Variants in SAMMSON observed in about 807,000 individuals in gnomAD.
SAMMSON encodes the protein long intergenic non-protein coding RNA 1212.
chr3:70,417,363 T>C (rs1430841115), intron 2 of SAMMSON, among the ~76,000 whole-genome samples: 1 of 152,188 alleles, frequency 6.6e-6, no homozygotes, highest in Non-Finnish European at 1.5e-5. Context: ...AAGTGTTCCT[T>C]AAATTATCTT....
chr3:70,065,783 G>T (rs948490444), intron 3 of SAMMSON, among the ~76,000 whole-genome samples: 1 of 151,986 alleles, frequency 6.6e-6, no homozygotes, highest in Non-Finnish European at 1.5e-5. Context: ...TAAAAAATTG[G>T]CCCCAAATGT....
chr3:70,007,320 AC>A lies in SAMMSON; in HGVS notation n.23-5036del, dbSNP rs1290409440. On this transcript the variant is annotated intron_variant and non_coding_transcript_variant, in intron 1 of 9. Coordinates refer to ENST00000642114, the Ensembl canonical transcript of SAMMSON. Reference sequence around the variant, plus strand: ...CCTCTCCAGCACCTGTTGTTTCCTGACTTTTTAATGATCGCCATTCTAACTG... The same window carrying A: ...CCTCTCCAGCACCTGTTGTTTCCTGATTTTTAATGATCGCCATTCTAACTG... Among the ~76,000 whole-genome samples the A allele has an allele frequency of 2.0e-5, 3 of 152,090 alleles. No individual in the cohort carries two copies. The East Asian group carries it at 5.8e-4, about 29-fold the overall frequency.
intron 3 of SAMMSON, among the ~76,000 whole-genome samples, chr3:70,038,939 C>G (rs946903919): frequency 6.6e-6 from 1 of 151,970 alleles, no homozygotes; most frequent in Non-Finnish European, 1.5e-5. Flanking sequence ...GGAGCCAGTC[C>G]GGAGCTAACA....
intron 9 of SAMMSON, among the ~76,000 whole-genome samples, chr3:70,375,229 A>G (rs181672157): frequency 6.6e-6 from 1 of 152,246 alleles, no homozygotes; most frequent in East Asian, 1.9e-4. Context: ...TGTCTCCCCT[A>G]AATTATTGCA....
At chr3:70,063,339 G>A (rs2067197518) in intron 3 of SAMMSON, among the ~76,000 whole-genome samples, 1 of 152,042 alleles carries the variant, frequency 6.6e-6, no homozygotes, top group African/African-American at 2.4e-5. Context: ...TTTCCAGCCT[G>A]CTTTTCAAAT....
At chr3:70,108,979 T>C (rs1000043398) in intron 4 of SAMMSON, among the ~76,000 whole-genome samples, 2 of 152,132 alleles carry the variant, frequency 1.3e-5, no homozygotes, top group East Asian at 3.9e-4. Flanking sequence ...TTATAGTATC[T>C]AAGATTTTAA....
At chr3:70,269,643 T>C (rs1157586484) in intron 6 of SAMMSON, among the ~76,000 whole-genome samples, 4 of 152,210 alleles carry the variant, frequency 2.6e-5, no homozygotes, top group African/African-American at 9.7e-5. Flanking sequence ...TTAATTTAAT[T>C]TGTCTAAGGT....
chr3:70,404,547 G>C (rs1056860725), intron 2 of SAMMSON, among the ~76,000 whole-genome samples: 1 of 152,102 alleles, frequency 6.6e-6, no homozygotes. Flanking sequence ...TATATAATGT[G>C]AATGAGTTTA....
At chr3:70,121,069 A>C (rs2067430888) in intron 4 of SAMMSON, among the ~76,000 whole-genome samples, 1 of 152,234 alleles carries the variant, frequency 6.6e-6, no homozygotes, top group Non-Finnish European at 1.5e-5. Flanking sequence ...ATCAGGCATT[A>C]GATTCTCACA....
chr3:70,275,087 C>A (rs1330325225), intron 6 of SAMMSON, among the ~76,000 whole-genome samples: 1 of 152,078 alleles, frequency 6.6e-6, no homozygotes, highest in Admixed American at 6.6e-5. Flanking sequence ...TATTTATAAC[C>A]TCCAAACAGA....
chr3:70,341,437 A>T (rs1702709847), intron 7 of SAMMSON, among the ~76,000 whole-genome samples: 1 of 152,192 alleles, frequency 6.6e-6, no homozygotes, highest in South Asian at 2.1e-4. Flanking sequence ...CAGTAAGCAC[A>T]GGTTTCTATC....
At chr3:70,077,723 A>T (rs1011243627) in intron 4 of SAMMSON, among the ~76,000 whole-genome samples, 1 of 152,200 alleles carries the variant, frequency 6.6e-6, no homozygotes, top group Non-Finnish European at 1.5e-5. Context: ...TCTGTAGAGC[A>T]CTGTGTATTT....
intron 4 of SAMMSON, among the ~76,000 whole-genome samples, chr3:70,209,106 G>A (rs762100594): frequency 1.3e-5 from 2 of 151,878 alleles, no homozygotes; most frequent in Admixed American, 6.6e-5. Flanking sequence ...TTCTTACTTG[G>A]GTATCAAGGC....
At chr3:70,365,267 A>G (rs1216627696) in intron 9 of SAMMSON, among the ~76,000 whole-genome samples, 4 of 151,476 alleles carry the variant, frequency 2.6e-5, no homozygotes, top group African/African-American at 9.7e-5. Flanking sequence ...ATTAAAAACC[A>G]ATATCTGGGT....
intron 9 of SAMMSON, among the ~76,000 whole-genome samples, chr3:70,366,724 T>G (rs915682646): frequency 6.6e-6 from 1 of 151,708 alleles, no homozygotes; most frequent in Non-Finnish European, 1.5e-5. Context: ...ATGGTAAGAC[T>G]GTTTTTAGCT....
chr3:70,337,860 T>C lies in SAMMSON; in HGVS notation n.740-16315T>C, dbSNP rs1575628612. ...TATTTTCTCTACTGATCACATTATA[T>C]GCCATAGCTTTAATCTTAAACATTT... On this transcript the variant is annotated intron_variant and non_coding_transcript_variant, in intron 7 of 9. Transcript: ENST00000642114. Among the ~76,000 whole-genome samples, 3 of 152,070 alleles carry C rather than the reference T, an allele frequency of 2.0e-5. No individual in the cohort carries two copies. The East Asian group carries it at 5.8e-4, about 29-fold the overall frequency.
intron 4 of SAMMSON, among the ~76,000 whole-genome samples, chr3:70,158,651 T>C (rs1277807423): frequency 6.6e-6 from 1 of 151,960 alleles, no homozygotes. Flanking sequence ...TTTAGACACA[T>C]CAAGAGAAGC....
chr3:70,053,045 A>G (rs533707906), intron 3 of SAMMSON, among the ~76,000 whole-genome samples: 25 of 152,300 alleles, frequency 1.6e-4, no homozygotes, highest in African/African-American at 5.5e-4. Context: ...AAAGCAGAGC[A>G]TACAGTGCTG....
At chr3:70,025,455 C>A (rs149895893) in intron 3 of SAMMSON, among the ~76,000 whole-genome samples, 57 of 152,244 alleles carry the variant, frequency 3.7e-4, no homozygotes, top group Non-Finnish European at 7.4e-4. Context: ...GCTGACCAGG[C>A]TGGTCTTGAA....
Sources: allele counts gnomAD v4.1 joint callset (sites outside exome capture counted in the v4.1 genomes callset), GRCh38; gene constraint gnomAD v4.1.1; transcripts MANE v1.5; gene names NCBI Gene and HGNC (gene_info 2026-07-23, HGNC 2026-07-21).